The following SGCZ variants were observed in gnomAD, a reference collection of about 807,000 sequenced individuals.
SGCZ encodes the protein zeta-sarcoglycan.
A neutral mutation model predicts 41.3 loss-of-function variants in SGCZ; 40 were observed. That is an observed-to-expected ratio of 0.97 (90% CI 0.75 to 1.26). SGCZ has a LOEUF of 1.26. Ranked by LOEUF, SGCZ falls within the 50% of genes most tolerant of loss-of-function variation. The pLI is 0.00. For missense variants in SGCZ, 552 were observed against 369.8 expected (o/e 1.49, Z -4.04); for synonymous variants, 206 against 137.5 (o/e 1.50, Z -3.49).
At chr8:14,262,806 A>T (rs1240407741) in intron 3 of SGCZ, among the ~76,000 whole-genome samples, 1 of 149,692 alleles carries the variant, frequency 6.7e-6, no homozygotes, top group Non-Finnish European at 1.5e-5. Flanking sequence ...CAAAGTTTCA[A>T]GTAATACTTC....
chr8:15,224,877 T>C (rs892709033), intron 1 of SGCZ, among the ~76,000 whole-genome samples: 3 of 152,202 alleles, frequency 2.0e-5, no homozygotes, highest in Admixed American at 6.5e-5. Flanking sequence ...AGTCATCACC[T>C]ATAAGTTTTA....
chr8:14,803,531 A>C (rs1801405615), intron 1 of SGCZ, among the ~76,000 whole-genome samples: 1 of 152,046 alleles, frequency 6.6e-6, no homozygotes, highest in South Asian at 2.1e-4. Context: ...GGGCTTAAAA[A>C]ACGGCGCACC....
intron 1 of SGCZ, among the ~76,000 whole-genome samples, chr8:15,112,096 T>A (rs982363922): frequency 6.6e-6 from 1 of 152,228 alleles, no homozygotes; most frequent in African/African-American, 2.4e-5. Context: ...AGATTAGGTT[T>A]GAGCATTTCA....
At chr8:15,067,791 G>A (rs2131022665) in intron 1 of SGCZ, among the ~76,000 whole-genome samples, 1 of 152,154 alleles carries the variant, frequency 6.6e-6, no homozygotes, top group East Asian at 1.9e-4. Context: ...AATTAAAGGT[G>A]AGCCATCATC....
At chr8:14,545,179 C>G (rs931728773) in intron 2 of SGCZ, among the ~76,000 whole-genome samples, 2 of 152,062 alleles carry the variant, frequency 1.3e-5, no homozygotes, top group African/African-American at 4.8e-5. Flanking sequence ...CCAATAAACA[C>G]TGACACAGAC....
intron 4 of SGCZ, among the ~76,000 whole-genome samples, chr8:14,180,548 C>G (rs547954871): frequency 6.6e-6 from 1 of 151,052 alleles, no homozygotes; most frequent in Non-Finnish European, 1.5e-5. Flanking sequence ...TGCGCAGTCT[C>G]ATTGAAGAAA....
intron 5 of SGCZ, among the ~76,000 whole-genome samples, chr8:14,149,646 T>A (rs1803635405): frequency 1.0e-5 from 1 of 96,438 alleles, no homozygotes; most frequent in Non-Finnish European, 2.1e-5. Flanking sequence ...ACCAGTGACT[T>A]TCTTCATAGG....
intron 1 of SGCZ, among the ~76,000 whole-genome samples, chr8:14,555,821 T>A (rs1804018934): frequency 6.6e-6 from 1 of 152,090 alleles, no homozygotes; most frequent in Non-Finnish European, 1.5e-5. Flanking sequence ...AAAATTCACA[T>A]TTGTGCAGAT....
At chr8:14,971,298 C>G (rs555964511) in intron 1 of SGCZ, among the ~76,000 whole-genome samples, 1 of 152,000 alleles carries the variant, frequency 6.6e-6, no homozygotes, top group Non-Finnish European at 1.5e-5. Context: ...GTAACATCTC[C>G]AGTATAATAC....
At chr8:14,121,548 T>G (rs990787523) in intron 5 of SGCZ, among the ~76,000 whole-genome samples, 5 of 152,184 alleles carry the variant, frequency 3.3e-5, no homozygotes, top group Admixed American at 3.3e-4. Flanking sequence ...GGTATTGCCG[T>G]TATTATTGTT....
intron 2 of SGCZ, among the ~76,000 whole-genome samples, chr8:14,551,489 T>A (rs374187608): frequency 0.074 from 451 of 6,078 alleles, 28 homozygotes; most frequent in East Asian, 0.096. Context: ...ATTATATATA[T>A]TATATATATT....
intron 1 of SGCZ, among the ~76,000 whole-genome samples, chr8:14,633,731 C>T (rs896958829): frequency 2.0e-5 from 3 of 151,692 alleles, no homozygotes; most frequent in African/African-American, 7.3e-5. Context: ...CAAGTTTAGC[C>T]TCCAGGCAGG....
chr8:14,909,394 T>A (rs1048017150), intron 1 of SGCZ, among the ~76,000 whole-genome samples: 1 of 152,200 alleles, frequency 6.6e-6, no homozygotes, highest in Non-Finnish European at 1.5e-5. Flanking sequence ...TAATTTCGTG[T>A]TTTAACGTTA....
intron 5 of SGCZ, among the ~76,000 whole-genome samples, chr8:14,159,868 C>G (rs1371770930): frequency 2.0e-5 from 3 of 152,080 alleles, no homozygotes; most frequent in Non-Finnish European, 4.4e-5. Context: ...CTAATAAAAA[C>G]AAACCAGAAG....
intron 1 of SGCZ, among the ~76,000 whole-genome samples, chr8:14,866,229 T>C (rs1287361772): frequency 6.6e-6 from 1 of 152,142 alleles, no homozygotes; most frequent in East Asian, 1.9e-4. Context: ...TTCAAACTTG[T>C]TCTTCCGTCT....
intron 1 of SGCZ, among the ~76,000 whole-genome samples, chr8:14,834,982 C>A (rs569733297): frequency 2.6e-5 from 4 of 152,290 alleles, no homozygotes; most frequent in Non-Finnish European, 5.9e-5. Context: ...CTTAACCTGT[C>A]CCTCCAATTC....
At position 14,676,961 on chromosome 8, in the gene SGCZ, T is replaced by C. The variant is rs796266125; in HGVS notation, c.40-122035A>G. Among the ~76,000 whole-genome samples the C allele has an allele frequency of 9.9e-5, 15 of 152,026 alleles. 1 individual carries two copies. Among genetic ancestry groups the C allele is most frequent in the African/African-American group, 3.6e-4 (15 of 41,458 alleles). On this transcript the variant is annotated intron_variant, in intron 1 of 7. Coordinates refer to ENST00000382080, the MANE Select transcript of SGCZ (RefSeq NM_139167.4). The stretch of plus-strand genomic sequence containing the variant: ...TCAACATCATACTGTAAATTCTAGT[T>C]AATGCAATAAGAAAGAAAAAAATAA...
chr8:14,294,503 A>AT (rs1800947525), intron 3 of SGCZ, among the ~76,000 whole-genome samples: 2 of 151,968 alleles, frequency 1.3e-5, no homozygotes, highest in African/African-American at 4.8e-5. Context: ...TCTTACATAA[A>AT]TTTTTTTAGA....
Position 14,551,746 on chromosome 8 carries a change from CT to C in SGCZ, c.234+2985del, listed in dbSNP as rs552921912. Among the ~76,000 whole-genome samples, 164 of 111,668 alleles carry C rather than the reference CT, an allele frequency of 1.5e-3. 2 individuals are homozygous for C. The highest frequency in any genetic ancestry group is 5.8e-3 in the African/African-American group (156 of 26,716). 73.3% of individuals were successfully genotyped at this position (111,668 alleles called of 152,430 possible). On this transcript the variant is annotated intron_variant, in intron 2 of 7. Transcript: ENST00000382080. ...TCATCCTGTAATATAAAGTCATTTCCTTTTTTGGTTTTCTACAACTGGGTAT... is the reference window on the plus strand; with the variant it reads ...TCATCCTGTAATATAAAGTCATTTCCTTTTTGGTTTTCTACAACTGGGTAT...
Sources: gnomAD v4.1 joint callset for allele counts (sites outside exome capture counted in the v4.1 genomes callset) on GRCh38, gnomAD v4.1.1 for gene constraint, MANE v1.5 for transcripts, NCBI Gene and HGNC (gene_info 2026-07-23, HGNC 2026-07-21) for gene names.